TPR: variants seen among roughly 807,000 people sequenced by gnomAD.
The protein encoded by TPR is translocated promoter region, nuclear basket protein, also known as nucleoprotein TPR.
In TPR, 51 loss-of-function variants were observed where a neutral mutation model predicts 316.1. That is an observed-to-expected ratio of 0.16 (90% CI 0.13 to 0.20). The LOEUF is 0.20. TPR is among the 10% of genes least tolerant of loss of function. The probability of loss-of-function intolerance (pLI) is 1.00; values close to 1 mark genes in which losing one functional copy is unlikely to be tolerated. For missense variants in TPR, 2,272 were observed against 2,754.8 expected (o/e 0.82, Z 3.92); for synonymous variants, 981 against 914.7 (o/e 1.07, Z -1.31).
chr1:186,320,165 T>A (rs148531203), intron 46 of TPR, 147 bp downstream of exon 46: 1 of 669,532 alleles, frequency 1.5e-6, no homozygotes, highest in African/African-American at 1.8e-5. Flanking sequence ...TTAATAAGTA[T>A]ACTACAGCAT....
chr1:186,329,479 G>A (rs1003498290), intron 39 of TPR, among the ~76,000 whole-genome samples: 5 of 152,034 alleles, frequency 3.3e-5, no homozygotes, highest in Non-Finnish European at 7.4e-5. Flanking sequence ...CATATACAAA[G>A]GTGTATACAC....
At chr1:186,332,127 C>A in intron 38 of TPR, 68 bp downstream of exon 38, 2 of 1,499,122 alleles carry the variant, frequency 1.3e-6, no homozygotes, top group South Asian at 1.4e-5. Context: ...TTTCTTTAGG[C>A]TGTAGCTGAA....
chr1:186,360,492 G>T, intron 10 of TPR, 128 bp from the exon 11 acceptor site: 1 of 1,037,346 alleles, frequency 9.6e-7, no homozygotes, highest in South Asian at 1.8e-5. Context: ...TTAAATACAT[G>T]ACATCAAAAA....
At chr1:186,355,022 G>A (rs1658980028) in intron 17 of TPR, among the ~76,000 whole-genome samples, 1 of 152,084 alleles carries the variant, frequency 6.6e-6, no homozygotes, top group Non-Finnish European at 1.5e-5. Flanking sequence ...TCCTGCCTTA[G>A]CCTCCTGAGT....
At chr1:186,358,103 CTTG>C (rs1659081985) in intron 13 of TPR, among the ~76,000 whole-genome samples, 1 of 152,018 alleles carries the variant, frequency 6.6e-6, no homozygotes, top group South Asian at 2.1e-4. Flanking sequence ...TATTGATTTG[CTTG>C]TTAAGTGTCA....
intron 22 of TPR, among the ~76,000 whole-genome samples, chr1:186,347,084 T>C (rs1190871308): frequency 1.3e-5 from 2 of 152,200 alleles, no homozygotes; most frequent in Admixed American, 1.3e-4. Context: ...ATCTGGACCA[T>C]TCCTACAGCA....
chr1:186,316,334 A>G (rs1657612045), intron 49 of TPR, among the ~76,000 whole-genome samples: 1 of 152,236 alleles, frequency 6.6e-6, no homozygotes, highest in Non-Finnish European at 1.5e-5. Context: ...ATAGAAATTT[A>G]AAGTTACCAG....
chr1:186,349,665 A>ATCTC (rs1333011671), intron 21 of TPR, among the ~76,000 whole-genome samples: 1 of 150,278 alleles, frequency 6.7e-6, no homozygotes, highest in Non-Finnish European at 1.5e-5. Context: ...CTCTCAAAAA[A>ATCTC]AAAAAAAAAA....
Position 186,371,056 on chromosome 1 carries a change from A to G in TPR, c.257-13T>C. 6.2e-7 allele frequency: 1 copy of G among 1,601,118 alleles called. No homozygotes were observed. ...TTCAGTTGATTGTCTGGATAAAAGG[A>G]ATTTTATGAATACATACACATTTGC... On this transcript the variant is annotated splice_polypyrimidine_tract_variant and intron_variant, in intron 2 of 50. Transcript: ENST00000367478.
At chr1:186,339,188 G>A (rs560066790) in intron 30 of TPR, among the ~76,000 whole-genome samples, 1 of 152,084 alleles carries the variant, frequency 6.6e-6, no homozygotes, top group Non-Finnish European at 1.5e-5. Flanking sequence ...CCAGCACTTA[G>A]GGAGGCAGAA....
chr1:186,360,316 G>A lies in TPR; in HGVS notation c.1148C>T (p.Ala383Val). 6.2e-7 allele frequency: 1 copy of A among 1,613,444 alleles called. No homozygotes were observed. Among genetic ancestry groups the A allele is most frequent in the Non-Finnish European group, 8.5e-7 (1 of 1,179,512 alleles). The change falls in exon 11 of 51, where the codon GCA becomes GTA. Residue 383 changes from alanine (A) to valine (V), a missense_variant. By Grantham distance (64) the Ala-to-Val change is moderately conservative (BLOSUM62 0). Around this residue, in one of 10 missense-constraint regions of TPR, gnomAD observed 549 missense variants for 598.6 expected, o/e 0.92. Transcript: ENST00000367478. ...AGGTTTCACTATCTTAGCTACAGCT[G>A]CTGCAGTAGGAGACATGGCGGCAAG... Reference protein sequence around the residue: ...EELAAMSPTAAAVAKIVKPGM... With the variant: ...EELAAMSPTAVAVAKIVKPGM...
At chr1:186,346,849 C>T (rs1658694894) in intron 22 of TPR, among the ~76,000 whole-genome samples, 1 of 152,196 alleles carries the variant, frequency 6.6e-6, no homozygotes, top group Admixed American at 6.5e-5. Flanking sequence ...TTATCAACTA[C>T]ATTTATAACT....
At chr1:186,343,494 AAATTTTATGTG>A in intron 26 of TPR, 21 bp from the exon 27 acceptor site, 1 of 1,591,786 alleles carries the variant, frequency 6.3e-7, no homozygotes, top group Non-Finnish European at 8.5e-7. Flanking sequence ...ACAGATATTA[AAATTTTATGTG>A]AATTTTAAAA....
Position 186,355,492 on chromosome 1 carries a change from G to A in TPR, c.2089C>T (p.Leu697Phe). The A allele has an allele frequency of 1.2e-6, 2 of 1,612,564 alleles. No individual in the cohort carries two copies. The highest frequency in any genetic ancestry group is 2.2e-5 in the East Asian group (1 of 44,856). The change falls in exon 17 of 51, where the codon CTT becomes TTT. Residue 697 changes from leucine (L) to phenylalanine (F), a missense_variant. This residue lies in a region of TPR where 757 missense variants were observed against 859.8 expected (regional missense o/e 0.88). Coordinates refer to ENST00000367478, the MANE Select transcript of TPR (RefSeq NM_003292.3). ...AENEKIQNEQ[L>F]EKLQEQVTDL... ...GTAACTTGTTCTTGAAGTTTCTCAAGCTGCTCATTTTGTATTTTTTCATTT... is the reference window on the plus strand; with the variant it reads ...GTAACTTGTTCTTGAAGTTTCTCAAACTGCTCATTTTGTATTTTTTCATTT...
chr1:186,325,678 T>C (rs1192429309), intron 42 of TPR, 86 bp downstream of exon 42: 9 of 1,063,160 alleles, frequency 8.5e-6, no homozygotes, highest in Non-Finnish European at 1.2e-5. Flanking sequence ...ATTCAATAAA[T>C]AAATTTATAT....
chr1:186,330,310 T>G (rs1158633830), intron 39 of TPR, among the ~76,000 whole-genome samples: 1 of 152,080 alleles, frequency 6.6e-6, no homozygotes, highest in Non-Finnish European at 1.5e-5. Flanking sequence ...GTTATCAGAC[T>G]CCTATCTCTG....
intron 27 of TPR, 59 bp from the exon 28 acceptor site, chr1:186,341,448 T>A: frequency 6.5e-7 from 1 of 1,534,736 alleles, no homozygotes; most frequent in Non-Finnish European, 8.8e-7. Context: ...AGTCTACCTG[T>A]TCCTATGAGC....
intron 21 of TPR, among the ~76,000 whole-genome samples, chr1:186,349,672 A>T (rs543266345): frequency 1.8e-4 from 27 of 150,610 alleles, no homozygotes; most frequent in Middle Eastern, 6.8e-3. Flanking sequence ...AAAAAAAAAA[A>T]AAAATAAATA....
chr1:186,356,451 T>C lies in TPR; in HGVS notation c.1725-2A>G. The C allele has an allele frequency of 6.2e-7, 1 of 1,604,364 alleles. No individual in the cohort carries two copies. Among genetic ancestry groups the C allele is most frequent in the Non-Finnish European group, 8.5e-7 (1 of 1,172,492 alleles). The stretch of plus-strand genomic sequence containing the variant: ...AGTTTGAGCTGAAGCTCAGTGATTC[T>C]GTAGAAAAAGTCGGCCTAATTCACA... On this transcript the variant is annotated splice_acceptor_variant, in intron 14 of 50. Coordinates refer to ENST00000367478, the MANE Select transcript of TPR (RefSeq NM_003292.3). LOFTEE classifies it high-confidence loss of function.
Sources: gnomAD v4.1 joint callset for allele counts (sites outside exome capture counted in the v4.1 genomes callset) on GRCh38, gnomAD v4.1.1 for gene constraint, gnomAD v4.1.1 regional missense constraint, MANE v1.5 for transcripts, NCBI Gene and HGNC (gene_info 2026-07-23, HGNC 2026-07-21) for gene names.